Variants in SPNS3 observed in about 807,000 individuals in gnomAD.
SPNS3 encodes SPNS lysolipid transporter 3, sphingosine-1-phosphate (putative).
Under a neutral mutation model 54.4 loss-of-function variants are expected in SPNS3, and 51 were observed. The observed-to-expected ratio is 0.94, with a 90% CI of 0.75 to 1.18. SPNS3 has a LOEUF of 1.18. SPNS3 is among the 50% of genes most tolerant of loss of function. The probability of loss-of-function intolerance (pLI) is 0.00; values close to 1 mark genes in which losing one functional copy is unlikely to be tolerated. For synonymous variants in SPNS3, 309 were observed against 294.7 expected (o/e 1.05, Z -0.50); for missense variants, 669 against 677.4 (o/e 0.99, Z 0.14).
intron 8 of SPNS3, among the ~76,000 whole-genome samples, chr17:4,454,729 T>G (rs1301505830): frequency 1.4e-5 from 2 of 147,486 alleles, no homozygotes; most frequent in Admixed American, 1.4e-4. Context: ...CAAGTGATTC[T>G]CCTGACTCAG....
At position 4,486,558 on chromosome 17, in the gene SPNS3, G is replaced by T; in HGVS notation, c.1425G>T (p.Glu475Asp). The change falls in exon 11 of 12, where the codon GAG (glutamate) becomes GAT (aspartate). Residue 475 changes from glutamate to aspartate, a missense_variant. Glu to Asp is a conservative substitution (Grantham distance 45). Transcript: ENST00000355530. The surrounding 1 kb of genome is among the most constrained non-coding windows in gnomAD (Gnocchi z 5.5). ...LLTALYLERDETRAWQPVTGT... is the reference protein window; with the variant it reads ...LLTALYLERDDTRAWQPVTGT... Reference sequence around the variant, plus strand: ...CTGCGCTGTACCTGGAGAGAGACGAGACCCGGGCCTGGCAGCCTGTCACAG... The same window carrying T: ...CTGCGCTGTACCTGGAGAGAGACGATACCCGGGCCTGGCAGCCTGTCACAG... 1 of 1,612,774 alleles carries T rather than the reference G, an allele frequency of 6.2e-7. No individual in the cohort carries two copies. The highest frequency in any genetic ancestry group is 1.1e-5 in the South Asian group (1 of 91,008).
At chr17:4,482,895 C>A (rs1187231424) in intron 9 of SPNS3, among the ~76,000 whole-genome samples, 1 of 152,222 alleles carries the variant, frequency 6.6e-6, no homozygotes, top group Non-Finnish European at 1.5e-5. Context: ...GGGGCACGAT[C>A]TCTGGATCCC....
In SPNS3 at chr17:4,486,448, T is replaced by C. The variant is rs771387938; in HGVS notation, c.1315T>C (p.Tyr439His). The C allele has an allele frequency of 6.2e-7, 1 of 1,612,210 alleles. No individual in the cohort carries two copies. The highest frequency in any genetic ancestry group is 1.3e-5 in the African/African-American group (1 of 75,016). The change falls in exon 11 of 12, where the codon TAT becomes CAT. Residue 439 changes from tyrosine (Y) to histidine (H), a missense_variant. Coordinates refer to ENST00000355530, the MANE Select transcript of SPNS3 (RefSeq NM_182538.5). The surrounding 1 kb of genome is among the most constrained non-coding windows in gnomAD (Gnocchi z 5.5). ...SVLRARRPDS[Y>H]LQRFRSLQQS... ...CCTGCGGGCCAGGCGCCCTGACTCC[T>C]ATCTGCAGCGCTTCCGCAGCCTGCA...
intron 1 of SPNS3, among the ~76,000 whole-genome samples, chr17:4,438,317 CCT>C (rs1356701462): frequency 6.6e-6 from 1 of 152,216 alleles, no homozygotes; most frequent in Non-Finnish European, 1.5e-5. Flanking sequence ...GCCGCTAAAG[CCT>C]CTGTTTCCTC....
intron 8 of SPNS3, among the ~76,000 whole-genome samples, chr17:4,460,259 G>A (rs1971460492): frequency 6.6e-6 from 1 of 152,104 alleles, no homozygotes; most frequent in Non-Finnish European, 1.5e-5. Flanking sequence ...TAAGAAGTGA[G>A]ACATCTGGCT....
chr17:4,476,859 C>T (rs1972015809), intron 8 of SPNS3, among the ~76,000 whole-genome samples: 2 of 152,226 alleles, frequency 1.3e-5, no homozygotes, highest in Non-Finnish European at 2.9e-5. Context: ...GTTCTGCTCT[C>T]CCTCCACCAG....
At chr17:4,470,503 T>G (rs1188385214) in intron 8 of SPNS3, among the ~76,000 whole-genome samples, 1 of 152,116 alleles carries the variant, frequency 6.6e-6, no homozygotes, top group Non-Finnish European at 1.5e-5. Flanking sequence ...TTTTCGTACA[T>G]TCACAGAGTT....
intron 8 of SPNS3, among the ~76,000 whole-genome samples, chr17:4,461,316 T>G (rs1386106714): frequency 6.6e-6 from 1 of 151,142 alleles, no homozygotes; most frequent in Non-Finnish European, 1.5e-5. Context: ...TTTCATCAAT[T>G]TTTCTCAATT....
chr17:4,434,709 T>C (rs1195636087), intron 1 of SPNS3, among the ~76,000 whole-genome samples: 2 of 151,678 alleles, frequency 1.3e-5, no homozygotes, highest in African/African-American at 2.4e-5. Context: ...GGTTTTACCA[T>C]GCTAGTCAGG....
At chr17:4,476,624 C>G (rs1972008581) in intron 8 of SPNS3, among the ~76,000 whole-genome samples, 1 of 152,118 alleles carries the variant, frequency 6.6e-6, no homozygotes, top group Non-Finnish European at 1.5e-5. Context: ...GCAGACCCTG[C>G]TAGGCTGGAA....
intron 8 of SPNS3, among the ~76,000 whole-genome samples, chr17:4,467,689 G>C (rs1971718818): frequency 6.6e-6 from 1 of 152,164 alleles, no homozygotes; most frequent in African/African-American, 2.4e-5. Flanking sequence ...ATTTATTTAT[G>C]ACAGAATCTC....
chr17:4,481,963 A>C (rs1972165351), intron 9 of SPNS3: 1 of 150,372 alleles, frequency 6.7e-6, no homozygotes. Flanking sequence ...ATCTCAGCTC[A>C]CTGCGACCTC....
chr17:4,478,033 G>A (rs59033975), intron 8 of SPNS3, among the ~76,000 whole-genome samples: 6,567 of 143,626 alleles, frequency 0.046, 560 homozygotes, highest in African/African-American at 0.17. Flanking sequence ...GTGCAGTGGT[G>A]TGATCTCGGC....
intron 8 of SPNS3, among the ~76,000 whole-genome samples, chr17:4,472,853 A>C (rs926122938): frequency 8.2e-6 from 1 of 121,472 alleles, no homozygotes; most frequent in African/African-American, 3.3e-5. Flanking sequence ...CAGTGGTGTG[A>C]TCATGGCTCA....
chr17:4,469,830 A>G (rs975740050), intron 8 of SPNS3, among the ~76,000 whole-genome samples: 3 of 152,118 alleles, frequency 2.0e-5, no homozygotes, highest in Admixed American at 6.6e-5. Context: ...GGGACCAACA[A>G]TTCACTGTAT....
chr17:4,458,852 C>T (rs1205167040), intron 8 of SPNS3, among the ~76,000 whole-genome samples: 2 of 151,948 alleles, frequency 1.3e-5, no homozygotes, highest in East Asian at 3.9e-4. Context: ...CCTCCCTTCC[C>T]TGCTCAAAAG....
rs76993660 is a variant in SPNS3, at chr17:4,446,809, G to T, written c.555-87G>T. On this transcript the variant is annotated intron_variant, in intron 4 of 11. Transcript: ENST00000355530. ...AGAGAGCCAGCTCCCTGGGGCGTGG[G>T]GGGGGCACCCTGGGTCAGGCTGGTG... The T allele has an allele frequency of 9.6e-3, 12,432 of 1,301,512 alleles. 884 individuals carry two copies. The African/African-American group carries it at 0.16, about 16-fold the overall frequency. The allele number at this position is 1,301,512 out of a possible 1,614,324, so 80.6% of individuals were successfully genotyped here.
chr17:4,480,227 C>T (rs922865918), intron 9 of SPNS3, among the ~76,000 whole-genome samples: 4 of 152,214 alleles, frequency 2.6e-5, no homozygotes, highest in Admixed American at 1.3e-4. Flanking sequence ...CCTGCCCCTC[C>T]CTCCAGACAG....
rs760522129 is a variant in SPNS3 at position 4,488,109 on chromosome 17, G to A, written c.*215G>A. ...AGGCCTGGGCCTGTGCCTGCATCCC[G>A]CTCAAGGCTGCCCCAGCCTGGGGTC... On this transcript the variant is annotated 3_prime_UTR_variant, in exon 12 of 12. Coordinates refer to ENST00000355530, the MANE Select transcript of SPNS3 (RefSeq NM_182538.5). The A allele has an allele frequency of 1.4e-4, 83 of 576,656 alleles. No homozygotes were observed. Among genetic ancestry groups the A allele is most frequent in the Non-Finnish European group, 2.3e-4 (76 of 323,412 alleles). 35.7% of individuals were successfully genotyped at this position (576,656 alleles called of 1,614,324 possible).
Sources: gnomAD v4.1 joint callset for allele counts (sites outside exome capture counted in the v4.1 genomes callset) on GRCh38, gnomAD v4.1.1 for gene constraint, Gnocchi (gnomAD v3.1) non-coding constraint, MANE v1.5 for transcripts, NCBI Gene and HGNC (gene_info 2026-07-23, HGNC 2026-07-21) for gene names.